The following NAV2 variants were observed in gnomAD, a reference collection of about 807,000 sequenced individuals.
NAV2 encodes neuron navigator 2, also known as helicase, APC down-regulated 1.
In NAV2, 54 loss-of-function variants were observed where a neutral mutation model predicts 223.2. The ratio of observed to expected loss-of-function variants is 0.24; its 90% CI spans 0.19 to 0.30. NAV2 has a LOEUF of 0.30. NAV2 is among the 10% of genes least tolerant of loss of function. The probability of loss-of-function intolerance (pLI) is 1.00; values close to 1 mark genes in which losing one functional copy is unlikely to be tolerated. For synonymous variants in NAV2, 1,279 were observed against 1,239.3 expected (o/e 1.03, Z -0.67); for missense variants, 2,806 against 3,147.5 (o/e 0.89, Z 2.60).
chr11:19,461,850 T>C (rs1852174814), intron 1 of NAV2, among the ~76,000 whole-genome samples: 1 of 152,196 alleles, frequency 6.6e-6, no homozygotes, highest in South Asian at 2.1e-4. Context: ...AACTAGACTG[T>C]GCTGGAGTGC....
chr11:19,772,340 G>C (rs577779805), intron 1 of NAV2, among the ~76,000 whole-genome samples: 1 of 152,206 alleles, frequency 6.6e-6, no homozygotes, highest in Non-Finnish European at 1.5e-5. Flanking sequence ...AGGGAGGCCT[G>C]AGTTTTACTC....
chr11:20,065,323 T>C (rs754004488), intron 20 of NAV2, among the ~76,000 whole-genome samples: 34 of 152,084 alleles, frequency 2.2e-4, no homozygotes, highest in Non-Finnish European at 4.0e-4. Flanking sequence ...AAGGCTCTTA[T>C]TGGATGACAG....
intron 4 of NAV2, among the ~76,000 whole-genome samples, chr11:19,871,394 C>A (rs563548831): frequency 7.9e-5 from 12 of 152,274 alleles, no homozygotes; most frequent in African/African-American, 2.9e-4. Context: ...ACTTTCTCTC[C>A]TTTCCCCTTC....
At chr11:19,413,619 A>T (rs1850237543) in intron 1 of NAV2, among the ~76,000 whole-genome samples, 1 of 152,140 alleles carries the variant, frequency 6.6e-6, no homozygotes, top group Non-Finnish European at 1.5e-5. Flanking sequence ...AAAACACATA[A>T]TCATCAAATC....
At chr11:19,495,699 A>C (rs1429436714) in intron 1 of NAV2, among the ~76,000 whole-genome samples, 14 of 152,174 alleles carry the variant, frequency 9.2e-5, no homozygotes, top group Non-Finnish European at 2.1e-4. Context: ...GAATATAAAC[A>C]AAAAAATTAC....
At chr11:20,030,422 G>GT (rs2055597541) in intron 11 of NAV2, among the ~76,000 whole-genome samples, 1 of 151,996 alleles carries the variant, frequency 6.6e-6, no homozygotes, top group African/African-American at 2.4e-5. Flanking sequence ...GAAGTTTTCC[G>GT]TTTTTTATCT....
intron 12 of NAV2, among the ~76,000 whole-genome samples, chr11:20,038,447 G>A (rs7126056): frequency 0.37 from 56,394 of 152,072 alleles, 10,866 homozygotes; most frequent in Non-Finnish European, 0.42. Flanking sequence ...GATTTCTAAC[G>A]CAATGGTTTC....
chr11:19,757,487 G>T (rs186829060), intron 1 of NAV2, among the ~76,000 whole-genome samples: 1 of 152,176 alleles, frequency 6.6e-6, no homozygotes. Flanking sequence ...TTGCTCCTCT[G>T]CCTCGGGTTA....
intron 20 of NAV2, among the ~76,000 whole-genome samples, chr11:20,065,701 A>G (rs1454577150): frequency 3.9e-5 from 6 of 152,244 alleles, no homozygotes; most frequent in African/African-American, 1.2e-4. Flanking sequence ...GGGCACAGTG[A>G]CAGACAGTGG....
At chr11:19,550,293 C>T (rs1183916023) in intron 1 of NAV2, among the ~76,000 whole-genome samples, 5 of 152,198 alleles carry the variant, frequency 3.3e-5, no homozygotes, top group South Asian at 2.1e-4. Context: ...ACATTTCCTT[C>T]CAGAGCTCCC....
intron 1 of NAV2, among the ~76,000 whole-genome samples, chr11:19,370,574 G>C (rs1848435535): frequency 6.6e-6 from 1 of 152,250 alleles, no homozygotes; most frequent in African/African-American, 2.4e-5. Flanking sequence ...TTACAACATG[G>C]AATGGAATGT....
In NAV2 at chr11:20,055,755, T is replaced by A; in HGVS notation, c.4643-14T>A. ...TGAATGTCTAACCTTTTGATTCTAT[T>A]CCTTTTATTCCAGCGAGTCCCACCA... On this transcript the variant is annotated splice_polypyrimidine_tract_variant and intron_variant, in intron 18 of 37. Transcript: ENST00000349880. 6.2e-7 allele frequency: 1 copy of A among 1,611,056 alleles called. No individual in the cohort carries two copies.
At chr11:19,623,453 T>C (rs551086511) in intron 1 of NAV2, among the ~76,000 whole-genome samples, 1 of 152,308 alleles carries the variant, frequency 6.6e-6, no homozygotes, top group East Asian at 1.9e-4. Context: ...TCTTGGAGGC[T>C]TTGTTCCCTT....
intron 1 of NAV2, among the ~76,000 whole-genome samples, chr11:19,461,438 T>G (rs77444348): frequency 0.026 from 3,910 of 152,358 alleles, 78 homozygotes; most frequent in Non-Finnish European, 0.038. Flanking sequence ...GTGCGTTTTA[T>G]GTGGTTTTAG....
rs764007924 is a variant in NAV2, at chr11:19,713,937, C to T, written c.242C>T (p.Ser81Leu). 6.8e-6 allele frequency: 11 copies of T among 1,613,292 alleles called. No homozygotes were observed. Among genetic ancestry groups the T allele is most frequent in the South Asian group, 2.2e-5 (2 of 91,066 alleles). The stretch of plus-strand genomic sequence containing the variant: ...GGGCTCCCGCTGCGGAAGAGCGGCT[C>T]GGTGGAAAACGGGTTCGATACCCAG... ...GEGLPLRKSG[S>L]VENGFDTQIY... The change falls in exon 1 of 38, where the codon TCG (serine) becomes TTG (leucine). Residue 81 changes from serine to leucine, a missense_variant. Coordinates refer to ENST00000349880, the MANE Select transcript of NAV2 (RefSeq NM_145117.5). This position sits in a 1 kb window ranked among gnomAD's most constrained non-coding sequence, Gnocchi z 7.2.
At chr11:19,416,998 A>G (rs1850399425) in intron 1 of NAV2, among the ~76,000 whole-genome samples, 1 of 152,266 alleles carries the variant, frequency 6.6e-6, no homozygotes, top group Admixed American at 6.5e-5. Context: ...AAACTCTGGA[A>G]GAAAACCTAG....
intron 1 of NAV2, among the ~76,000 whole-genome samples, chr11:19,436,352 T>C (rs1851215895): frequency 6.6e-6 from 1 of 152,220 alleles, no homozygotes; most frequent in African/African-American, 2.4e-5. Context: ...CCATTGTGTG[T>C]TCTTGGCATC....
chr11:19,655,003 G>A (rs1321790754), intron 1 of NAV2, among the ~76,000 whole-genome samples: 2 of 152,124 alleles, frequency 1.3e-5, no homozygotes, highest in African/African-American at 4.8e-5. Flanking sequence ...CTGACAAAGG[G>A]CTAATATCCA....
At position 20,080,176 on chromosome 11, in the gene NAV2, G is replaced by C. The variant is rs2060002032; in HGVS notation, c.5292G>C (p.Glu1764Asp). 1 of 1,613,980 alleles carries C rather than the reference G, an allele frequency of 6.2e-7. No homozygotes were observed. Among genetic ancestry groups the C allele is most frequent in the East Asian group, 2.2e-5 (1 of 44,828 alleles). ...ACTCCAGCGTGGGCAGCAACATAGA[G>C]AGTGACTCAAAGAAGAAGAAGCGGA... ...TSHSSVGSNI[E>D]SDSKKKKRKN... The change falls in exon 25 of 38, where the codon GAG (glutamate) becomes GAC (aspartate). Residue 1764 changes from glutamate to aspartate, a missense_variant. Glu to Asp is a conservative substitution (Grantham distance 45). Around this residue, in one of 4 missense-constraint regions of NAV2, gnomAD observed 824 missense variants for 1,069.4 expected, o/e 0.77. Coordinates refer to ENST00000349880, the MANE Select transcript of NAV2 (RefSeq NM_145117.5).
Sources: allele counts gnomAD v4.1 joint callset (sites outside exome capture counted in the v4.1 genomes callset), GRCh38; gene constraint gnomAD v4.1.1; regional missense constraint gnomAD v4.1.1; non-coding constraint Gnocchi (gnomAD v3.1); transcripts MANE v1.5; gene names NCBI Gene and HGNC (gene_info 2026-07-23, HGNC 2026-07-21).